SPAG16: variants seen among roughly 807,000 people sequenced by gnomAD.
SPAG16 encodes sperm-associated antigen 16 protein.
A neutral mutation model predicts 80.4 loss-of-function variants in SPAG16; 86 were observed. The ratio of observed to expected loss-of-function variants is 1.07; its 90% confidence interval spans 0.90 to 1.28. SPAG16 has a LOEUF of 1.28. Among genes scored for constraint, SPAG16 ranks in the 50% most tolerant of loss-of-function variants. The pLI is 0.00. For synonymous variants in SPAG16, 294 were observed against 265.9 expected (o/e 1.11, Z -1.03); for missense variants, 870 against 765.3 (o/e 1.14, Z -1.61).
chr2:213,855,872 G>A (rs1017915838), intron 10 of SPAG16, among the ~76,000 whole-genome samples: 2 of 152,146 alleles, frequency 1.3e-5, no homozygotes, highest in Non-Finnish European at 2.9e-5. Flanking sequence ...TGAGATTTGG[G>A]TGGGTACACA....
At chr2:213,753,298 T>C (rs2457182) in intron 10 of SPAG16, among the ~76,000 whole-genome samples, 135,473 of 152,190 alleles carry the variant, frequency 0.89, 62,448 homozygotes, top group East Asian at 1. Flanking sequence ...ACGTGTGAGC[T>C]GCTGCGCCCA....
At chr2:213,869,297 A>ACATATATG in intron 11 of SPAG16, among the ~76,000 whole-genome samples, 1 of 124,884 alleles carries the variant, frequency 8.0e-6, no homozygotes, top group Non-Finnish European at 1.7e-5. Flanking sequence ...ATATATGTAT[A>ACATATATG]TATATATATA....
chr2:213,965,765 G>A (rs1355491106), intron 12 of SPAG16, among the ~76,000 whole-genome samples: 1 of 152,066 alleles, frequency 6.6e-6, no homozygotes, highest in Non-Finnish European at 1.5e-5. Flanking sequence ...AGCCTCCTTG[G>A]GGACAGCTAC....
At chr2:213,582,109 A>G (rs759442839) in intron 10 of SPAG16, among the ~76,000 whole-genome samples, 1 of 152,126 alleles carries the variant, frequency 6.6e-6, no homozygotes, top group Non-Finnish European at 1.5e-5. Context: ...TTAATTTACA[A>G]TATAAACACT....
chr2:213,642,848 A>AAAAAAAAAAAG (rs1559337090), intron 10 of SPAG16, among the ~76,000 whole-genome samples: 1 of 137,072 alleles, frequency 7.3e-6, no homozygotes, highest in East Asian at 2.3e-4. Flanking sequence ...AAAAAAAAAA[A>AAAAAAAAAAAG]AGAGAGACTG....
At chr2:214,361,898 G>A (rs568851957) in intron 15 of SPAG16, among the ~76,000 whole-genome samples, 2 of 151,926 alleles carry the variant, frequency 1.3e-5, no homozygotes, top group South Asian at 4.1e-4. Flanking sequence ...TTCTTAAATT[G>A]TTTTATTGTT....
intron 10 of SPAG16, among the ~76,000 whole-genome samples, chr2:213,780,387 T>A (rs2069866672): frequency 6.6e-6 from 1 of 152,208 alleles, no homozygotes; most frequent in African/African-American, 2.4e-5. Context: ...GTGTGAAATA[T>A]ATACACTTTC....
intron 10 of SPAG16, among the ~76,000 whole-genome samples, chr2:213,644,983 G>C (rs749338875): frequency 1.3e-5 from 2 of 152,214 alleles, no homozygotes; most frequent in African/African-American, 2.4e-5. Context: ...CAAAGGCACT[G>C]TCCAGGAGTC....
chr2:213,822,816 A>G (rs2073029573), intron 10 of SPAG16, among the ~76,000 whole-genome samples: 1 of 152,134 alleles, frequency 6.6e-6, no homozygotes, highest in South Asian at 2.1e-4. Context: ...TATGAGTGAG[A>G]ATATGCAGTG....
intron 10 of SPAG16, among the ~76,000 whole-genome samples, chr2:213,691,207 A>C (rs1201467345): frequency 6.6e-6 from 1 of 152,112 alleles, no homozygotes; most frequent in Non-Finnish European, 1.5e-5. Context: ...TCTAAAGATA[A>C]CCCTCAATAA....
chr2:213,979,267 T>G (rs2045572968), intron 12 of SPAG16, among the ~76,000 whole-genome samples: 2 of 151,918 alleles, frequency 1.3e-5, no homozygotes, highest in Non-Finnish European at 1.5e-5. Context: ...AAAGAAATGT[T>G]GGGGGGTATG....
intron 10 of SPAG16, among the ~76,000 whole-genome samples, chr2:213,719,829 A>T (rs560007191): frequency 6.6e-6 from 1 of 152,176 alleles, no homozygotes; most frequent in African/African-American, 2.4e-5. Context: ...CAGCAATCCC[A>T]TTACTGAGTA....
Position 213,794,277 on chromosome 2 carries a change from CTG to C in SPAG16, c.1071-68206_1071-68205del, listed in dbSNP as rs552898244. ...AAGTCAATATTTTCAGCAGTTTTTT[CTG>C]TATGAGTTTATTCAAGAAGTGAGTT... On this transcript the variant is annotated intron_variant, in intron 10 of 15. Coordinates refer to ENST00000331683, the MANE Select transcript of SPAG16 (RefSeq NM_024532.5). 7.2e-3 allele frequency among the ~76,000 whole-genome samples: 1,093 copies of C among 152,124 alleles called. 15 individuals are homozygous for C. Among genetic ancestry groups the C allele is most frequent in the African/African-American group, 0.025 (1,039 of 41,554 alleles).
chr2:213,705,785 G>GTTT lies in SPAG16; in HGVS notation c.1071-156699_1071-156697dup, dbSNP rs1480129588. ...AGAGGAGAGCCAATCATGGTGGAGG[G>GTTT]TTTGTTGTTGTTGTTGTTGTTGTTG... On this transcript the variant is annotated intron_variant, in intron 10 of 15. Transcript: ENST00000331683. Among the ~76,000 whole-genome samples, 3 of 10,478 alleles carry GTTT rather than the reference G, an allele frequency of 2.9e-4. No homozygotes were observed. In the East Asian group the frequency reaches 9.7e-3, roughly 34 times the overall value. 6.9% of individuals were successfully genotyped at this position (10,478 alleles called of 152,430 possible).
At chr2:214,356,602 G>C (rs990063766) in intron 15 of SPAG16, among the ~76,000 whole-genome samples, 2 of 151,750 alleles carry the variant, frequency 1.3e-5, no homozygotes, top group African/African-American at 4.8e-5. Context: ...TTAATTCATA[G>C]TTATATACTC....
intron 12 of SPAG16, among the ~76,000 whole-genome samples, chr2:213,968,233 G>A (rs1318390847): frequency 6.6e-6 from 1 of 151,114 alleles, no homozygotes; most frequent in East Asian, 2.0e-4. Flanking sequence ...GGAGTGTAAC[G>A]GCGAGATCTC....
chr2:214,045,355 T>A (rs933421310), intron 13 of SPAG16, among the ~76,000 whole-genome samples: 3 of 152,124 alleles, frequency 2.0e-5, no homozygotes, highest in African/African-American at 7.2e-5. Flanking sequence ...ACCTGTTGAT[T>A]AAAAAGCTCT....
chr2:214,326,094 G>T (rs1696457986), intron 15 of SPAG16, among the ~76,000 whole-genome samples: 1 of 152,110 alleles, frequency 6.6e-6, no homozygotes. Flanking sequence ...CCTATAATGT[G>T]TCAGTGTCAT....
rs2071361285 is a variant in SPAG16, at chr2:213,447,057, A to G, written c.943-42906A>G. On this transcript the variant is annotated intron_variant, in intron 9 of 15. Coordinates refer to ENST00000331683, the MANE Select transcript of SPAG16 (RefSeq NM_024532.5). ...ATTTTGAGGGCCCATCTAAAACTTTAATTTGGGAAGATTGTGTTAACTCAC... is the reference window on the plus strand; with the variant it reads ...ATTTTGAGGGCCCATCTAAAACTTTGATTTGGGAAGATTGTGTTAACTCAC... Among the ~76,000 whole-genome samples the G allele has an allele frequency of 3.3e-5, 5 of 152,340 alleles. No homozygotes were observed. In the South Asian group the frequency reaches 1.0e-3, roughly 32 times the overall value.
Sources: allele counts gnomAD v4.1 joint callset (sites outside exome capture counted in the v4.1 genomes callset), GRCh38; gene constraint gnomAD v4.1.1; transcripts MANE v1.5; gene names NCBI Gene and HGNC (gene_info 2026-07-23, HGNC 2026-07-21).